The following PRDM16 variants were observed in gnomAD, a reference collection of about 807,000 sequenced individuals.
PRDM16 encodes histone-lysine N-methyltransferase PRDM16.
PRDM16 carries 23 observed loss-of-function variants against 110.6 expected under a neutral mutation model. That is an observed-to-expected ratio of 0.21 (90% CI 0.15 to 0.29). The LOEUF (loss-of-function observed/expected upper bound fraction) is 0.29, where lower values mean the gene tolerates loss of function less well. Among genes scored for constraint, PRDM16 ranks in the 10% least tolerant of loss-of-function variants. PRDM16 has a pLI of 1.00. For missense variants in PRDM16, 1,615 were observed against 1,794.3 expected, an observed-to-expected ratio of 0.90 and a Z score of 1.81; for synonymous variants, 799 against 781.8, an observed-to-expected ratio of 1.02 and a Z score of -0.37.
At chr1:3,118,979 C>T (rs1173062523) in intron 1 of PRDM16, among the ~76,000 whole-genome samples, 5 of 152,194 alleles carry the variant, frequency 3.3e-5, no homozygotes, top group African/African-American at 1.2e-4. Flanking sequence ...AGGAGCGAGA[C>T]CCTGGCCCAC....
Position 3,157,758 on chromosome 1 carries a change from G to T in PRDM16, c.38-28367G>T, listed in dbSNP as rs1643870156. Among the ~76,000 whole-genome samples, 1 of 152,150 alleles carries T rather than the reference G, an allele frequency of 6.6e-6. No homozygotes were observed. The highest frequency in any genetic ancestry group is 6.5e-5 in the Admixed American group (1 of 15,282). ...GGCCACTAGCGGAGATGGCCCCAGA[G>T]ACAACACCCAGATGGACAGAGCTCG... On this transcript the variant is annotated intron_variant, in intron 1 of 16. Coordinates refer to ENST00000270722, the MANE Select transcript of PRDM16 (RefSeq NM_022114.4). The surrounding 1 kb of genome is among the most constrained non-coding windows in gnomAD (Gnocchi z 4.8).
chr1:3,429,942 G>A (rs552220549), intron 14 of PRDM16, among the ~76,000 whole-genome samples: 24 of 152,346 alleles, frequency 1.6e-4, no homozygotes, highest in African/African-American at 3.1e-4. Flanking sequence ...CACCCACACC[G>A]TGGATACCTC....
chr1:3,239,752 C>A (rs1449433980), intron 2 of PRDM16, among the ~76,000 whole-genome samples: 1 of 152,060 alleles, frequency 6.6e-6, no homozygotes, highest in East Asian at 1.9e-4. Context: ...AGTTAGAAAT[C>A]AGCCTGAACA....
Position 3,241,967 on chromosome 1 carries a change from G to C in PRDM16, c.388-2120G>C, listed in dbSNP as rs565086774. On this transcript the variant is annotated intron_variant, in intron 2 of 16. Transcript: ENST00000270722. ...ATGTGAGGTTGTGGTGTTAACGGGG[G>C]CTCCTGGGCTGACCCTGCCTGGGAG... Among the ~76,000 whole-genome samples the C allele has an allele frequency of 4.1e-4, 62 of 152,348 alleles. 1 individual carries two copies. In the South Asian group the frequency reaches 0.013, roughly 31 times the overall value.
chr1:3,433,565 C>T, intron 16 of PRDM16, 112 bp from the exon 17 acceptor site: 2 of 386,640 alleles, frequency 5.2e-6, no homozygotes, highest in Admixed American at 4.6e-5. Flanking sequence ...GCTCACCTGC[C>T]TGTCTGGGAT....
intron 1 of PRDM16, among the ~76,000 whole-genome samples, chr1:3,123,173 T>C (rs1643132316): frequency 6.6e-6 from 1 of 152,204 alleles, no homozygotes; most frequent in Non-Finnish European, 1.5e-5. Context: ...GCTCCCCTCT[T>C]CTGCCATCAT....
intron 3 of PRDM16, among the ~76,000 whole-genome samples, chr1:3,300,286 C>A (rs374258502): frequency 4.1e-5 from 4 of 97,628 alleles, no homozygotes; most frequent in Non-Finnish European, 6.7e-5. Flanking sequence ...ATGATGTTTC[C>A]GATCCCAGTC....
rs927699974 is a variant in PRDM16, at chr1:3,390,549, C to T, written c.573+5263C>T. On this transcript the variant is annotated intron_variant, in intron 4 of 16. Transcript: ENST00000270722. This position sits in a 1 kb window ranked among gnomAD's most constrained non-coding sequence, Gnocchi z 5.0. ...AGCACAGCCCCTCCACAGAGTGTTC[C>T]GCGCAGGCATTGTGTTAGAAGAGTG... 1.1e-4 allele frequency among the ~76,000 whole-genome samples: 16 copies of T among 152,144 alleles called. No individual in the cohort carries two copies. Among genetic ancestry groups the T allele is most frequent in the African/African-American group, 2.7e-4 (11 of 41,442 alleles).
intron 3 of PRDM16, among the ~76,000 whole-genome samples, chr1:3,354,141 G>A (rs1212275085): frequency 1.3e-5 from 2 of 152,202 alleles, no homozygotes; most frequent in African/African-American, 4.8e-5. Flanking sequence ...CTGGACTGCA[G>A]AGCATTTGAG....
intron 3 of PRDM16, among the ~76,000 whole-genome samples, chr1:3,273,821 T>A (rs1226574283): frequency 1.1e-3 from 91 of 85,976 alleles, no homozygotes; most frequent in Middle Eastern, 5.5e-3. Flanking sequence ...CATGTAAGTG[T>A]GTGTGTGTGT....
chr1:3,073,577 G>C (rs1395065830), intron 1 of PRDM16, among the ~76,000 whole-genome samples: 1 of 152,148 alleles, frequency 6.6e-6, no homozygotes, highest in Non-Finnish European at 1.5e-5. Flanking sequence ...AAGCCAGCTG[G>C]CTGGGGCCTC....
chr1:3,085,827 T>A (rs1284896863), intron 1 of PRDM16, among the ~76,000 whole-genome samples: 1 of 152,218 alleles, frequency 6.6e-6, no homozygotes. Flanking sequence ...CTACCAGGCC[T>A]ACAGGGCCCC....
intron 3 of PRDM16, among the ~76,000 whole-genome samples, chr1:3,344,170 C>G (rs1642321022): frequency 6.6e-6 from 1 of 152,144 alleles, no homozygotes; most frequent in Admixed American, 6.5e-5. Flanking sequence ...GACTCCCTCT[C>G]TACAAAAACA....
At chr1:3,200,648 G>A (rs1638600760) in intron 2 of PRDM16, among the ~76,000 whole-genome samples, 1 of 152,204 alleles carries the variant, frequency 6.6e-6, no homozygotes, top group Non-Finnish European at 1.5e-5. Context: ...AGCCTAAGGT[G>A]GATTTTAAAA....
intron 3 of PRDM16, among the ~76,000 whole-genome samples, chr1:3,345,327 A>T (rs1386318923): frequency 6.6e-6 from 1 of 152,150 alleles, no homozygotes; most frequent in Admixed American, 6.5e-5. Context: ...AGGAGAGTAC[A>T]TCCAACAGAA....
chr1:3,427,843 C>T (rs908869281), intron 14 of PRDM16, among the ~76,000 whole-genome samples: 2 of 152,194 alleles, frequency 1.3e-5, no homozygotes, highest in Non-Finnish European at 2.9e-5. Context: ...GCTGTCCCGG[C>T]ATTCCCCAGT....
intron 3 of PRDM16, among the ~76,000 whole-genome samples, chr1:3,298,367 G>A (rs552434115): frequency 9.8e-5 from 15 of 152,336 alleles, no homozygotes; most frequent in South Asian, 4.1e-4. Context: ...GAGCAGCCTC[G>A]CTGTCGGGAG....
chr1:3,375,878 T>C (rs892761010), intron 3 of PRDM16, among the ~76,000 whole-genome samples: 3 of 151,242 alleles, frequency 2.0e-5, no homozygotes, highest in Non-Finnish European at 2.9e-5. Context: ...ATAAAGAAAA[T>C]AGGAATAGGA....
chr1:3,329,232 G>T (rs1472373835), intron 3 of PRDM16, among the ~76,000 whole-genome samples: 1 of 152,240 alleles, frequency 6.6e-6, no homozygotes, highest in Non-Finnish European at 1.5e-5. Context: ...GGGCATGGTG[G>T]TGTTCGTGGT....
Sources: allele counts gnomAD v4.1 joint callset (sites outside exome capture counted in the v4.1 genomes callset), GRCh38; gene constraint gnomAD v4.1.1; non-coding constraint Gnocchi (gnomAD v3.1); transcripts MANE v1.5; gene names NCBI Gene and HGNC (gene_info 2026-07-23, HGNC 2026-07-21).